Variants in TTC39C observed in about 807,000 individuals in gnomAD.
TTC39C encodes tetratricopeptide repeat domain 39C, also known as tetratricopeptide repeat protein 39C.
TTC39C carries 33 observed loss-of-function variants against 76.3 expected under a neutral mutation model. That is an observed-to-expected ratio of 0.43 (90% CI 0.33 to 0.58). The LOEUF (loss-of-function observed/expected upper bound fraction) is 0.58, where lower values mean the gene tolerates loss of function less well. TTC39C is among the 20% of genes least tolerant of loss of function. The probability of loss-of-function intolerance (pLI) is 0.04; values close to 1 mark genes in which losing one functional copy is unlikely to be tolerated. For missense variants in TTC39C, 595 were observed against 701.4 expected (o/e 0.85, Z 1.71); for synonymous variants, 254 against 260.6 (o/e 0.97, Z 0.24).
Position 24,132,505 on chromosome 18 carries a change from C to T in TTC39C, c.1683C>T (p.Asp561=). 7 of 1,614,118 alleles carry T rather than the reference C, an allele frequency of 4.3e-6. No individual in the cohort carries two copies. Among genetic ancestry groups the T allele is most frequent in the Non-Finnish European group, 5.9e-6 (7 of 1,180,014 alleles). ...LQAKEDFSGY[D]FENRLHVRIH... ...TACAGGAGGATTTCTCTGGCTACGA[C>T]TTTGAAAACAGATTGCATGTCCGCA... Residue 561 remains aspartate (D), a synonymous_variant, in exon 14 of 14, where the codon GAC becomes GAT. Coordinates refer to ENST00000317571, the MANE Select transcript of TTC39C (RefSeq NM_001135993.2).
intron 5 of TTC39C, 58 bp downstream of exon 5, chr18:24,080,997 G>A (rs1416876085): frequency 2.2e-5 from 31 of 1,431,508 alleles, no homozygotes; most frequent in Non-Finnish European, 2.7e-5. Context: ...GTAAGTAAAC[G>A]ACAATCAAAG....
intron 1 of TTC39C, chr18:24,020,230 T>C: frequency 4.7e-6 from 5 of 1,066,802 alleles, no homozygotes; most frequent in Non-Finnish European, 5.7e-6. Context: ...AGGCATCTTT[T>C]TTCCCCCAAC....
intron 6 of TTC39C, among the ~76,000 whole-genome samples, chr18:24,084,103 C>T (rs1021536045): frequency 3.9e-5 from 6 of 152,126 alleles, no homozygotes; most frequent in African/African-American, 1.4e-4. Context: ...CATAAAGTGA[C>T]TCCTTAAATC....
intron 6 of TTC39C, among the ~76,000 whole-genome samples, chr18:24,083,409 C>T (rs1050785234): frequency 3.9e-5 from 6 of 152,278 alleles, no homozygotes; most frequent in African/African-American, 1.2e-4. Flanking sequence ...TTTTCCCTCT[C>T]TGAATTACTA....
rs1391759795 is a variant in TTC39C at position 24,119,965 on chromosome 18, C to CA, written c.1186+1733_1186+1734insA. 7.2e-5 allele frequency among the ~76,000 whole-genome samples: 6 copies of CA among 83,262 alleles called. No homozygotes were observed. In the South Asian group the frequency reaches 3.0e-3, roughly 42 times the overall value. The allele number at this position is 83,262 out of a possible 152,430, so 54.6% of individuals were successfully genotyped here. ...TGGCTGTATAGAGGAACATTAATTC[C>CA]CCCCCCCCAATATTTGGCAATCCCA... On this transcript the variant is annotated intron_variant, in intron 8 of 13. Coordinates refer to ENST00000317571, the MANE Select transcript of TTC39C (RefSeq NM_001135993.2).
intron 4 of TTC39C, 85 bp downstream of exon 4, chr18:24,069,356 C>A: frequency 8.5e-7 from 1 of 1,178,986 alleles, no homozygotes; most frequent in South Asian, 1.4e-5. Flanking sequence ...CCTTATATTT[C>A]AGTCTTTGAA....
chr18:24,026,164 A>G (rs532411561), intron 1 of TTC39C, among the ~76,000 whole-genome samples: 2 of 152,226 alleles, frequency 1.3e-5, no homozygotes, highest in East Asian at 1.9e-4. Flanking sequence ...GCTTAAAGGA[A>G]CTGTGTCTCT....
upstream of TTC39C, among the ~76,000 whole-genome samples, chr18:24,014,111 A>G (rs1349196216): frequency 1.3e-5 from 2 of 152,202 alleles, no homozygotes; most frequent in South Asian, 2.1e-4. Flanking sequence ...GCTGCGGGGC[A>G]GGTGCCAGAG....
intron 8 of TTC39C, among the ~76,000 whole-genome samples, chr18:24,122,500 C>CAAAAAA (rs36002596): frequency 0.063 from 3,191 of 51,014 alleles, 913 homozygotes; most frequent in East Asian, 0.27. Flanking sequence ...GACTCCATCT[C>CAAAAAA]AAAAAAAAAA....
intron 12 of TTC39C, among the ~76,000 whole-genome samples, chr18:24,130,819 C>T (rs993803473): frequency 1.3e-5 from 2 of 151,680 alleles, no homozygotes; most frequent in Non-Finnish European, 2.9e-5. Context: ...ATACTGTAGG[C>T]AACCGTAACA....
chr18:23,997,423 C>T (rs571718889), intron 1 of TTC39C, among the ~76,000 whole-genome samples: 37 of 151,612 alleles, frequency 2.4e-4, no homozygotes, highest in African/African-American at 8.0e-4. Context: ...TGGTCGTGGG[C>T]GCCTGTAATC....
intron 6 of TTC39C, among the ~76,000 whole-genome samples, chr18:24,113,047 T>C (rs1428708433): frequency 6.6e-6 from 1 of 152,164 alleles, no homozygotes; most frequent in Non-Finnish European, 1.5e-5. Context: ...GCGATTCCCA[T>C]TGTTGTGAGG....
At chr18:24,019,108 C>A (rs888139320) in intron 1 of TTC39C, among the ~76,000 whole-genome samples, 3 of 152,110 alleles carry the variant, frequency 2.0e-5, no homozygotes, top group African/African-American at 7.2e-5. Context: ...AGAGGACTGG[C>A]AGTAATGAAG....
chr18:24,067,949 G>T (rs1336805477), intron 3 of TTC39C, among the ~76,000 whole-genome samples: 1 of 151,950 alleles, frequency 6.6e-6, no homozygotes, highest in East Asian at 1.9e-4. Context: ...CTTTCTACGT[G>T]TCCTTTTCCT....
At chr18:24,131,992 C>A in intron 13 of TTC39C, 72 bp downstream of exon 13, 1 of 1,429,460 alleles carries the variant, frequency 7.0e-7, no homozygotes, top group Non-Finnish European at 9.5e-7. Flanking sequence ...AGTCTGAATT[C>A]AAGAAAGTTT....
intron 2 of TTC39C, 30 bp downstream of exon 2, chr18:24,064,218 T>C: frequency 3.1e-6 from 5 of 1,611,766 alleles, no homozygotes; most frequent in Non-Finnish European, 4.2e-6. Flanking sequence ...CCTATTGGCA[T>C]GAAGGAAACA....
At chr18:24,122,560 T>C (rs996497819) in intron 8 of TTC39C, among the ~76,000 whole-genome samples, 3 of 144,154 alleles carry the variant, frequency 2.1e-5, no homozygotes, top group African/African-American at 5.2e-5. Flanking sequence ...GCATTCCAAC[T>C]GGGGAGTGAA....
At chr18:24,037,749 A>G (rs2083748381) in intron 1 of TTC39C, among the ~76,000 whole-genome samples, 1 of 152,236 alleles carries the variant, frequency 6.6e-6, no homozygotes, top group Non-Finnish European at 1.5e-5. Context: ...ATTCAGTACA[A>G]ATGGAAGGTA....
At chr18:24,042,608 C>T (rs1260243477) in intron 1 of TTC39C, among the ~76,000 whole-genome samples, 2 of 152,112 alleles carry the variant, frequency 1.3e-5, no homozygotes, top group Non-Finnish European at 2.9e-5. Context: ...CACGTTTTTA[C>T]GCACATGTGC....
Sources: gnomAD v4.1 joint callset for allele counts (sites outside exome capture counted in the v4.1 genomes callset) on GRCh38, gnomAD v4.1.1 for gene constraint, MANE v1.5 for transcripts, NCBI Gene and HGNC (gene_info 2026-07-23, HGNC 2026-07-21) for gene names.